FOXP1: variants seen among roughly 807,000 people sequenced by gnomAD.
FOXP1 encodes the protein forkhead box P1.
Under a neutral mutation model 98.2 loss-of-function variants are expected in FOXP1, and 15 were observed. That is an observed-to-expected ratio of 0.15 (90% CI 0.10 to 0.24). FOXP1 has a LOEUF of 0.24. Ranked by LOEUF, FOXP1 falls within the 10% of genes least tolerant of loss-of-function variation. FOXP1 has a pLI of 1.00. For missense variants in FOXP1, 633 were observed against 848.5 expected (o/e 0.75, Z 3.15); for synonymous variants, 371 against 314.5 (o/e 1.18, Z -1.90).
rs77659743 is a variant in FOXP1, at chr3:71,430,010, G to A, written c.-168+63416C>T. On this transcript the variant is annotated intron_variant, in intron 3 of 20. Transcript: ENST00000649528. ...GAAGCTAGAAAAACTGGCAACTTTC[G>A]GAAATGAAGATTCCTTTTTCCTCCA... Among the ~76,000 whole-genome samples the A allele has an allele frequency of 7.0e-3, 1,064 of 152,256 alleles. 17 individuals carry two copies. Among genetic ancestry groups the A allele is most frequent in the African/African-American group, 0.024 (1,011 of 41,542 alleles).
chr3:71,400,798 A>G (rs753396537), intron 3 of FOXP1, among the ~76,000 whole-genome samples: 1 of 152,232 alleles, frequency 6.6e-6, no homozygotes, highest in Non-Finnish European at 1.5e-5. Context: ...TCCCAGATCA[A>G]TGACCTACAT....
chr3:71,309,471 C>A (rs192985948), intron 4 of FOXP1, among the ~76,000 whole-genome samples: 1 of 151,012 alleles, frequency 6.6e-6, no homozygotes, highest in Non-Finnish European at 1.5e-5. Flanking sequence ...CACACAGGCA[C>A]GAAGAAAATA....
intron 7 of FOXP1, among the ~76,000 whole-genome samples, chr3:71,074,101 C>G (rs1209500860): frequency 6.6e-6 from 1 of 152,160 alleles, no homozygotes; most frequent in Non-Finnish European, 1.5e-5. Context: ...TACAGCAGTA[C>G]TTATGGGAAT....
intron 4 of FOXP1, among the ~76,000 whole-genome samples, chr3:71,306,995 T>A (rs895566899): frequency 6.6e-6 from 1 of 152,234 alleles, no homozygotes; most frequent in African/African-American, 2.4e-5. Flanking sequence ...GCTTATGGAA[T>A]CAACTCACAC....
chr3:71,192,301 G>A (rs2063032642), intron 6 of FOXP1, among the ~76,000 whole-genome samples: 2 of 152,198 alleles, frequency 1.3e-5, no homozygotes, highest in Admixed American at 1.3e-4. Flanking sequence ...TACACCTATA[G>A]ATCCATACCA....
intron 7 of FOXP1, among the ~76,000 whole-genome samples, chr3:71,105,566 G>T (rs796478515): frequency 7.2e-5 from 11 of 152,212 alleles, no homozygotes; most frequent in Middle Eastern, 3.4e-3. Context: ...CATTTTGTCA[G>T]CAATTTACAC....
chr3:71,360,724 C>T (rs568644195), intron 3 of FOXP1: 133 of 152,158 alleles, frequency 8.7e-4, no homozygotes, highest in African/African-American at 3.0e-3. Flanking sequence ...TTTCAAGGCA[C>T]GTACATGTAC....
rs976885567 is a variant in FOXP1 at position 71,184,710 on chromosome 3, T to C, written c.180+13492A>G. On this transcript the variant is annotated intron_variant, in intron 6 of 20. Transcript: ENST00000649528. ...AAGCCTAAGAGTATTTGTCAAAAGA[T>C]TGAAACATTTGGCAAATCTAATTAA... Among the ~76,000 whole-genome samples the C allele has an allele frequency of 9.2e-5, 14 of 151,880 alleles. No homozygotes were observed. The South Asian group carries it at 1.2e-3, about 14-fold the overall frequency.
At chr3:71,180,435 C>A (rs1217752008) in intron 6 of FOXP1, among the ~76,000 whole-genome samples, 2 of 151,402 alleles carry the variant, frequency 1.3e-5, no homozygotes, top group African/African-American at 4.9e-5. Context: ...CGTGTAAAAT[C>A]GTAGATGTTT....
At chr3:71,579,181 T>A (rs2107866580) in intron 2 of FOXP1, among the ~76,000 whole-genome samples, 1 of 152,290 alleles carries the variant, frequency 6.6e-6, no homozygotes, top group South Asian at 2.1e-4. Context: ...TGTTTCCTAC[T>A]TTGTTCTACT....
rs543184548 is a variant in FOXP1 at position 71,440,504 on chromosome 3, C to T, written c.-168+52922G>A. Among the ~76,000 whole-genome samples the T allele has an allele frequency of 3.9e-5, 6 of 152,092 alleles. No homozygotes were observed. In the South Asian group the frequency reaches 8.3e-4, roughly 21 times the overall value. ...CAGCCTGGCTGATATGGTGAAACCC[C>T]GTCTCTACTAAAAATACAAGAAAGT... is the stretch of plus-strand genomic sequence containing the variant. On this transcript the variant is annotated intron_variant, in intron 3 of 20. Coordinates refer to ENST00000649528, the MANE Select transcript of FOXP1 (RefSeq NM_001349338.3).
intron 3 of FOXP1, among the ~76,000 whole-genome samples, chr3:71,443,032 C>T (rs559636746): frequency 6.6e-6 from 1 of 152,292 alleles, no homozygotes; most frequent in Admixed American, 6.5e-5. Flanking sequence ...GTTGGGATTA[C>T]AGGCATGTAC....
At chr3:71,103,907 C>T (rs1173572603) in intron 7 of FOXP1, among the ~76,000 whole-genome samples, 1 of 152,112 alleles carries the variant, frequency 6.6e-6, no homozygotes, top group East Asian at 1.9e-4. Flanking sequence ...CTTTCAACCA[C>T]AGACGAATAT....
chr3:71,136,774 G>A (rs2059837053), intron 6 of FOXP1, among the ~76,000 whole-genome samples: 1 of 151,074 alleles, frequency 6.6e-6, no homozygotes, highest in Non-Finnish European at 1.5e-5. Flanking sequence ...TGAAGAACAG[G>A]TTTTTACATT....
Position 70,959,239 on chromosome 3 carries a change from C to T in FOXP1, c.*8G>A, listed in dbSNP as rs756825462. 1 of 1,613,648 alleles carries T rather than the reference C, an allele frequency of 6.2e-7. No individual in the cohort carries two copies. The highest frequency in any genetic ancestry group is 8.5e-7 in the Non-Finnish European group (1 of 1,179,922). On this transcript the variant is annotated 3_prime_UTR_variant, in exon 21 of 21. Transcript: ENST00000649528. The stretch of plus-strand genomic sequence containing the variant: ...ATCTTCATTCTCGGGGTTGGCCCGC[C>T]CCGATAGTCACTCCATGTCCTCGTT...
chr3:71,387,752 G>C (rs1195099398), intron 3 of FOXP1, among the ~76,000 whole-genome samples: 5 of 152,136 alleles, frequency 3.3e-5, no homozygotes, highest in Admixed American at 6.5e-5. Context: ...ATTTATTAAG[G>C]ACCCATGTGT....
At chr3:71,174,146 CA>C (rs2061794180) in intron 6 of FOXP1, among the ~76,000 whole-genome samples, 1 of 152,076 alleles carries the variant, frequency 6.6e-6, no homozygotes, top group African/African-American at 2.4e-5. Context: ...GTATTTGTGA[CA>C]GAAAGAACAG....
At chr3:71,228,445 A>C (rs1343213500) in intron 5 of FOXP1, among the ~76,000 whole-genome samples, 1 of 152,094 alleles carries the variant, frequency 6.6e-6, no homozygotes, top group Non-Finnish European at 1.5e-5. Context: ...ACACCACAGG[A>C]CCTTGTATGG....
chr3:71,349,606 T>A (rs757556086), intron 4 of FOXP1, among the ~76,000 whole-genome samples: 4 of 151,560 alleles, frequency 2.6e-5, no homozygotes, highest in Middle Eastern at 3.4e-3. Context: ...ATCTTTAATA[T>A]CTTTAATTTT....
Sources: allele counts gnomAD v4.1 joint callset (sites outside exome capture counted in the v4.1 genomes callset), GRCh38; gene constraint gnomAD v4.1.1; transcripts MANE v1.5; gene names NCBI Gene and HGNC (gene_info 2026-07-23, HGNC 2026-07-21).